SERPING1: variants seen among roughly 807,000 people sequenced by gnomAD.
The protein encoded by SERPING1 is serpin family G member 1.
In SERPING1, 5 loss-of-function variants were observed where a neutral mutation model predicts 34.1. The observed-to-expected ratio is 0.15, with a 90% confidence interval of 0.08 to 0.31. The LOEUF is 0.31. Among genes scored for constraint, SERPING1 ranks in the 10% least tolerant of loss-of-function variants. SERPING1 has a pLI of 1.00. For missense variants in SERPING1, 505 were observed against 609.5 expected, an observed-to-expected ratio of 0.83 and a Z score of 1.81; for synonymous variants, 225 against 242.4, an observed-to-expected ratio of 0.93 and a Z score of 0.67.
chr11:57,614,801 C>G lies in SERPING1; in HGVS notation c.*220C>G. On this transcript the variant is annotated 3_prime_UTR_variant, in exon 8 of 8. Coordinates refer to ENST00000278407, the MANE Select transcript of SERPING1 (RefSeq NM_000062.3). ...TCCAAACCACTTTTTGCAGCTTTCT[C>G]TAGTTCAAGTTCACCAGACTCTATA... is the stretch of plus-strand genomic sequence containing the variant. 11 of 566,924 alleles carry G rather than the reference C, an allele frequency of 1.9e-5. No individual in the cohort carries two copies. The highest frequency in any genetic ancestry group is 3.4e-5 in the Non-Finnish European group (11 of 319,888). 35.1% of individuals were successfully genotyped at this position (566,924 alleles called of 1,614,324 possible).
At position 57,602,043 on chromosome 11, in the gene SERPING1, G is replaced by A. The variant is rs755577591; in HGVS notation, c.559G>A (p.Glu187Lys). The change falls in exon 4 of 8, where the codon GAG becomes AAG. Residue 187 changes from glutamate (E) to lysine (K), a missense_variant. By Grantham distance (56) the Glu-to-Lys change is moderately conservative. Coordinates refer to ENST00000278407, the MANE Select transcript of SERPING1 (RefSeq NM_000062.3). ...LLTQVLLGAG[E>K]NTKTNLESIL... ...TCTGCCCTTTGTTGCAGGGGCTGGG[G>A]AGAACACCAAAACAAACCTGGAGAG... 3 of 1,614,012 alleles carry A rather than the reference G, an allele frequency of 1.9e-6. No homozygotes were observed. In the East Asian group the frequency reaches 6.7e-5, roughly 36 times the overall value.
rs780296646 is a variant in SERPING1, at chr11:57,606,219, G to T, written c.889+6G>T. On this transcript the variant is annotated splice_donor_region_variant and intron_variant, in intron 5 of 7. Transcript: ENST00000278407. ...CAATGCTATCTACCTGAGTGGTAAG[G>T]GTGCCCTTAGCCAGTTAGTCTTCCC... 4 of 1,613,926 alleles carry T rather than the reference G, an allele frequency of 2.5e-6. No individual in the cohort carries two copies. In the East Asian group the frequency reaches 8.9e-5, roughly 36 times the overall value.
chr11:57,605,770 A>G (rs1945401772), intron 4 of SERPING1: 1 of 584,210 alleles, frequency 1.7e-6, no homozygotes, highest in African/African-American at 1.9e-5. Flanking sequence ...AGCCATAGTC[A>G]CATAGCAAGC....
chr11:57,599,920 C>A lies in SERPING1; in HGVS notation c.93C>A (p.Ser31=), dbSNP rs755218279. 1 of 1,614,190 alleles carries A rather than the reference C, an allele frequency of 6.2e-7. No individual in the cohort carries two copies. The change falls in exon 3 of 8, where the codon TCC becomes TCA. Residue 31 remains serine (S), a synonymous_variant. Transcript: ENST00000278407. ...ATCCAAATGCTACCAGCTCCAGCTC[C>A]CAGGATCCAGAGAGTTTGCAAGACA... ...SSNPNATSSS[S]QDPESLQDRG...
At chr11:57,599,040 C>G (rs1432511860) in intron 2 of SERPING1, among the ~76,000 whole-genome samples, 1 of 152,072 alleles carries the variant, frequency 6.6e-6, no homozygotes, top group Admixed American at 6.6e-5. Context: ...CTAGCTGTTT[C>G]TCCCATTTCT....
intron 2 of SERPING1, 36 bp from the exon 3 acceptor site, chr11:57,599,843 T>C (rs377655496): frequency 6.7e-5 from 108 of 1,613,982 alleles, no homozygotes; most frequent in Non-Finnish European, 2.1e-5. Context: ...TGCCTCGTAG[T>C]AAGAAAAAAA....
chr11:57,603,233 C>CA (rs1450085486), intron 4 of SERPING1, among the ~76,000 whole-genome samples: 2,297 of 122,040 alleles, frequency 0.019, 66 homozygotes, highest in African/African-American at 0.062. Context: ...AACTCTGTCT[C>CA]AAAAAAAAAA....
In SERPING1 at chr11:57,606,097, A is replaced by G. The variant is rs1240290746; in HGVS notation, c.773A>G (p.Asn258Ser). 9 of 1,614,152 alleles carry G rather than the reference A, an allele frequency of 5.6e-6. No individual in the cohort carries two copies. Among genetic ancestry groups the G allele is most frequent in the African/African-American group, 2.7e-5 (2 of 75,034 alleles). The change falls in exon 5 of 8, where the codon AAC becomes AGC. Residue 258 changes from asparagine to serine, a missense_variant. Coordinates refer to ENST00000278407, the MANE Select transcript of SERPING1 (RefSeq NM_000062.3). Reference sequence around the variant, plus strand: ...GTCCTAAGCAACAACAGTGACGCCAACTTGGAGCTCATCAACACCTGGGTG... The same window carrying G: ...GTCCTAAGCAACAACAGTGACGCCAGCTTGGAGCTCATCAACACCTGGGTG... Reference protein sequence around the residue: ...PRVLSNNSDANLELINTWVAK... With the variant: ...PRVLSNNSDASLELINTWVAK...
chr11:57,600,239 A>G lies in SERPING1; in HGVS notation c.412A>G (p.Thr138Ala), dbSNP rs574615885. 2 of 1,614,116 alleles carry G rather than the reference A, an allele frequency of 1.2e-6. No individual in the cohort carries two copies. Among genetic ancestry groups the G allele is most frequent in the Non-Finnish European group, 1.7e-6 (2 of 1,180,010 alleles). The change falls in exon 3 of 8, where the codon ACA becomes GCA. Residue 138 changes from threonine to alanine, a missense_variant. Coordinates refer to ENST00000278407, the MANE Select transcript of SERPING1 (RefSeq NM_000062.3). The stretch of plus-strand genomic sequence containing the variant: ...CTGCTCTGACTTGGAGAGTCATTCA[A>G]CAGAGGCCGTGTTGGGGGATGCTTT... ...TLCSDLESHS[T>A]EAVLGDALVD... is the part of the protein sequence containing the mutation.
chr11:57,612,051 C>A, intron 7 of SERPING1, 115 bp downstream of exon 7: 1 of 877,134 alleles, frequency 1.1e-6, no homozygotes, highest in Non-Finnish European at 1.9e-6. Flanking sequence ...TCAGTTTGTC[C>A]TGCAACCCTG....
chr11:57,602,216 G>C, intron 4 of SERPING1, 47 bp downstream of exon 4: 1 of 1,609,688 alleles, frequency 6.2e-7, no homozygotes, highest in Non-Finnish European at 8.5e-7. Context: ...GGTCCTGAGA[G>C]GACTCTGAAG....
intron 1 of SERPING1, 84 bp from the exon 2 acceptor site, chr11:57,598,165 C>A: frequency 1.9e-6 from 2 of 1,038,606 alleles, no homozygotes; most frequent in Non-Finnish European, 2.8e-6. Context: ...GGGCCTGAGA[C>A]GGAATGGGGG....
At chr11:57,604,310 T>C (rs1945384275) in intron 4 of SERPING1, among the ~76,000 whole-genome samples, 1 of 152,232 alleles carries the variant, frequency 6.6e-6, no homozygotes, top group African/African-American at 2.4e-5. Context: ...ATCATTTACA[T>C]GTATTATGTT....
chr11:57,605,965 C>A, intron 4 of SERPING1, 45 bp from the exon 5 acceptor site: 1 of 1,543,268 alleles, frequency 6.5e-7, no homozygotes, highest in Non-Finnish European at 9.0e-7. Flanking sequence ...ATGGAAAGAA[C>A]GACGTGTTCA....
In SERPING1 at chr11:57,604,837, T is replaced by G. The variant is rs1042933554; in HGVS notation, c.686-1173T>G. Among the ~76,000 whole-genome samples the G allele has an allele frequency of 3.9e-5, 6 of 151,908 alleles. No individual in the cohort carries two copies. The East Asian group carries it at 9.7e-4, about 24-fold the overall frequency. ...CTGGGCAACATAGACAGACCTCATC[T>G]CTACAAAAAATTTTAAAAATTATCC... On this transcript the variant is annotated intron_variant, in intron 4 of 7. Coordinates refer to ENST00000278407, the MANE Select transcript of SERPING1 (RefSeq NM_000062.3).
chr11:57,605,332 T>C (rs1945397086), intron 4 of SERPING1, among the ~76,000 whole-genome samples: 1 of 151,178 alleles, frequency 6.6e-6, no homozygotes, highest in Non-Finnish European at 1.5e-5. Context: ...AGAATCTCGC[T>C]CTGTCGCCCA....
At chr11:57,599,344 C>A (rs180937475) in intron 2 of SERPING1, among the ~76,000 whole-genome samples, 31 of 152,222 alleles carry the variant, frequency 2.0e-4, no homozygotes, top group African/African-American at 7.2e-4. Flanking sequence ...TATACTACTT[C>A]TCTCTCCCTC....
chr11:57,598,263 C>T lies in SERPING1; in HGVS notation c.-8C>T. ...TGGCTCCGCAGGTCCGCTGACGTCG[C>T]CGCCCAGATGGCCTCCAGGCTGACC... On this transcript the variant is annotated 5_prime_UTR_variant, in exon 2 of 8. Coordinates refer to ENST00000278407, the MANE Select transcript of SERPING1 (RefSeq NM_000062.3). 6.5e-7 allele frequency: 1 copy of T among 1,550,308 alleles called. No homozygotes were observed. The highest frequency in any genetic ancestry group is 8.7e-7 in the Non-Finnish European group (1 of 1,146,112).
chr11:57,611,324 G>C, intron 6 of SERPING1: 1 of 286,476 alleles, frequency 3.5e-6, no homozygotes, highest in Non-Finnish European at 6.8e-6. Context: ...GCAGTGAAGA[G>C]CCATCAATAG....
Sources: gnomAD v4.1 joint callset for allele counts (sites outside exome capture counted in the v4.1 genomes callset) on GRCh38, gnomAD v4.1.1 for gene constraint, MANE v1.5 for transcripts, NCBI Gene and HGNC (gene_info 2026-07-23, HGNC 2026-07-21) for gene names.